Variants in GPHN observed in about 807,000 individuals in gnomAD.
GPHN encodes the protein gephyrin.
Under a neutral mutation model 95.5 loss-of-function variants are expected in GPHN, and 17 were observed. The ratio of observed to expected loss-of-function variants is 0.18; its 90% CI spans 0.12 to 0.27. The LOEUF (loss-of-function observed/expected upper bound fraction) is 0.27, where lower values mean the gene tolerates loss of function less well. Among genes scored for constraint, GPHN ranks in the 10% least tolerant of loss-of-function variants. GPHN has a pLI of 1.00. For synonymous variants in GPHN, 320 were observed against 322.5 expected (o/e 0.99, Z 0.08); for missense variants, 660 against 978.1 (o/e 0.67, Z 4.34).
At chr14:66,780,395 G>A (rs2059562562) in intron 3 of GPHN, among the ~76,000 whole-genome samples, 2 of 152,088 alleles carry the variant, frequency 1.3e-5, no homozygotes, top group African/African-American at 2.4e-5. Flanking sequence ...TTAAAATTGG[G>A]CTGAAGATGT....
At chr14:67,102,536 TGTAATC>T (rs1260495396) in intron 13 of GPHN, among the ~76,000 whole-genome samples, 4 of 152,060 alleles carry the variant, frequency 2.6e-5, no homozygotes, top group Admixed American at 6.5e-5. Context: ...GGCACATGGC[TGTAATC>T]CCAGCTACTC....
the GPHN span, chr14:67,729,486 T>C: frequency 8.6e-7 from 1 of 1,167,134 alleles, no homozygotes. Flanking sequence ...GATGATGCAA[T>C]CCAGGTTTGG....
At chr14:67,258,775 T>G in the GPHN span, among the ~76,000 whole-genome samples, 1 of 152,092 alleles carries the variant, frequency 6.6e-6, no homozygotes, top group Admixed American at 6.5e-5. Flanking sequence ...TAGTTCTTAA[T>G]AAGTTATTTT....
At chr14:67,348,137 C>T in the GPHN span, among the ~76,000 whole-genome samples, 90 of 151,564 alleles carry the variant, frequency 5.9e-4, no homozygotes, top group Middle Eastern at 6.8e-3. Context: ...TACAATGGCG[C>T]AATCTCGGCT....
intron 3 of GPHN, among the ~76,000 whole-genome samples, chr14:66,777,637 G>A (rs371852212): frequency 0.012 from 1,847 of 152,158 alleles, 16 homozygotes; most frequent in Non-Finnish European, 0.018. Context: ...GATCAAGTGG[G>A]CTTCATCCCT....
chr14:66,552,260 C>G (rs1003541101), intron 1 of GPHN, among the ~76,000 whole-genome samples: 1 of 152,184 alleles, frequency 6.6e-6, no homozygotes, highest in Non-Finnish European at 1.5e-5. Context: ...ACACTTTCTA[C>G]TTCACTGTTC....
the GPHN span, among the ~76,000 whole-genome samples, chr14:67,424,545 G>A: frequency 1.3e-5 from 2 of 148,408 alleles, no homozygotes; most frequent in African/African-American, 5.0e-5. Flanking sequence ...GCTGCAGTGA[G>A]CCAAGATTGT....
the GPHN span, among the ~76,000 whole-genome samples, chr14:67,717,164 G>A: frequency 0.13 from 20,135 of 152,016 alleles, 1,376 homozygotes; most frequent in East Asian, 0.21. Context: ...TGTAAAATTT[G>A]TATACAGTGA....
the GPHN span, chr14:67,473,248 C>T: frequency 1.2e-6 from 1 of 852,572 alleles, no homozygotes; most frequent in Non-Finnish European, 1.8e-6. The surrounding 1 kb of genome is among the most constrained non-coding windows in gnomAD (Gnocchi z 6.5). Context: ...AACACCTGAC[C>T]ACGGCCCCCC....
intron 1 of GPHN, among the ~76,000 whole-genome samples, chr14:66,611,428 A>G (rs548616910): frequency 1.6e-4 from 25 of 152,298 alleles, no homozygotes; most frequent in African/African-American, 5.5e-4. Context: ...AAAAAAGCAT[A>G]GAAAATATAC....
intron 9 of GPHN, among the ~76,000 whole-genome samples, chr14:66,980,735 T>C (rs1471021874): frequency 2.0e-5 from 3 of 152,174 alleles, no homozygotes; most frequent in Non-Finnish European, 4.4e-5. Flanking sequence ...AATATATCAT[T>C]AGACATCAGA....
chr14:67,642,053 T>G, the GPHN span: 1 of 904,072 alleles, frequency 1.1e-6, no homozygotes, highest in Non-Finnish European at 1.7e-6. Context: ...CACAATCATT[T>G]GACATTTTAA....
intron 9 of GPHN, among the ~76,000 whole-genome samples, chr14:67,009,475 T>C (rs1248258429): frequency 6.6e-6 from 1 of 152,072 alleles, no homozygotes; most frequent in Non-Finnish European, 1.5e-5. Context: ...TATGCCTTTT[T>C]CAGCTTGAGT....
chr14:66,910,175 G>A (rs373505938), intron 5 of GPHN, among the ~76,000 whole-genome samples: 2 of 151,874 alleles, frequency 1.3e-5, no homozygotes, highest in South Asian at 4.1e-4. Context: ...CTGCAGAACA[G>A]AAATAATAAG....
At chr14:67,030,018 A>G (rs1346818977) in intron 10 of GPHN, among the ~76,000 whole-genome samples, 1 of 139,978 alleles carries the variant, frequency 7.1e-6, no homozygotes, top group Non-Finnish European at 1.5e-5. Context: ...CCCAGTCATT[A>G]ATTATCAGTA....
intron 4 of GPHN, among the ~76,000 whole-genome samples, chr14:66,848,447 C>G (rs1272316573): frequency 1.3e-5 from 2 of 152,010 alleles, no homozygotes; most frequent in South Asian, 2.1e-4. Flanking sequence ...TTTAGATATC[C>G]TGCTTCTCAT....
intron 22 of GPHN, among the ~76,000 whole-genome samples, 165 bp from the exon 23 acceptor site, chr14:67,180,639 G>C (rs995748284): frequency 1.3e-5 from 2 of 152,150 alleles, no homozygotes; most frequent in Non-Finnish European, 2.9e-5. Context: ...AAGGTGGTAG[G>C]ATATAATAGC....
At chr14:66,778,726 CTTTTTTTTT>C (rs759940498) in intron 3 of GPHN, among the ~76,000 whole-genome samples, 5 of 59,374 alleles carry the variant, frequency 8.4e-5, no homozygotes, top group East Asian at 5.9e-4. Context: ...ACTCAAGGGG[CTTTTTTTTT>C]TTTTTTTTTT....
chr14:66,845,851 G>GTGTGTGTGTC (rs1386843949), intron 4 of GPHN, among the ~76,000 whole-genome samples: 6 of 150,854 alleles, frequency 4.0e-5, no homozygotes, highest in Non-Finnish European at 8.9e-5. Context: ...GTGTGTGTGT[G>GTGTGTGTGTC]TGTGTGTGTC....
Sources: allele counts gnomAD v4.1 joint callset (sites outside exome capture counted in the v4.1 genomes callset), GRCh38; gene constraint gnomAD v4.1.1; non-coding constraint Gnocchi (gnomAD v3.1); transcripts MANE v1.5; gene names NCBI Gene and HGNC (gene_info 2026-07-23, HGNC 2026-07-21).